Variants in DBF4B observed in about 807,000 individuals in gnomAD.
DBF4B encodes the protein protein DBF4 homolog B.
DBF4B carries 49 observed loss-of-function variants against 53.4 expected under a neutral mutation model. The observed-to-expected ratio is 0.92, with a 90% CI of 0.73 to 1.16. The LOEUF (loss-of-function observed/expected upper bound fraction) is 1.16, where lower values mean the gene tolerates loss of function less well. DBF4B is among the 50% of genes most tolerant of loss of function. DBF4B has a pLI of 0.00. For missense variants in DBF4B, 692 were observed against 775.0 expected (o/e 0.89, Z 1.27); for synonymous variants, 257 against 288.7 (o/e 0.89, Z 1.11).
intron 2 of DBF4B, among the ~76,000 whole-genome samples, chr17:44,711,623 G>A (rs1972873979): frequency 6.6e-6 from 1 of 152,020 alleles, no homozygotes; most frequent in African/African-American, 2.4e-5. Flanking sequence ...ACCAGCCTGG[G>A]CAACGTGGTG....
Position 44,749,926 on chromosome 17 carries a change from A to G in DBF4B, c.1190-669A>G, listed in dbSNP as rs2049236336. 9.7e-7 allele frequency: 1 copy of G among 1,026,862 alleles called. No individual in the cohort carries two copies. The highest frequency in any genetic ancestry group is 1.2e-6 in the Non-Finnish European group (1 of 854,354). 63.6% of individuals were successfully genotyped at this position (1,026,862 alleles called of 1,614,324 possible). On this transcript the variant is annotated intron_variant, in intron 13 of 13. Coordinates refer to ENST00000315005, the MANE Select transcript of DBF4B (RefSeq NM_145663.3). The surrounding 1 kb of genome is among the most constrained non-coding windows in gnomAD (Gnocchi z 4.4). ...CCCGCACACAGATCCTCAGGAACAT[A>G]TGAAGCAGAGGAGGGGCTTGGGCTG...
chr17:44,748,702 C>T (rs748252347), intron 13 of DBF4B: 31 of 1,413,058 alleles, frequency 2.2e-5, no homozygotes, highest in Admixed American at 1.9e-4. Context: ...TGGCCACAAG[C>T]GGAAGGTTCA....
At chr17:44,733,990 G>A (rs995779435) in intron 6 of DBF4B, 100 bp from the exon 7 acceptor site, 40 of 945,716 alleles carry the variant, frequency 4.2e-5, no homozygotes, top group Non-Finnish European at 4.1e-5. Flanking sequence ...GTGATTCAGT[G>A]GGCTGGCCCA....
At chr17:44,708,961 G>T (rs1972619114) in intron 1 of DBF4B, 122 bp downstream of exon 1, 6 of 1,389,646 alleles carry the variant, frequency 4.3e-6, no homozygotes, top group East Asian at 5.0e-5. Flanking sequence ...GCTGAGGAGG[G>T]TATAGGGGCC....
chr17:44,741,706 A>G (rs1019551430), intron 10 of DBF4B, among the ~76,000 whole-genome samples: 2 of 152,200 alleles, frequency 1.3e-5, no homozygotes, highest in East Asian at 1.9e-4. Context: ...CCTTCTCCTT[A>G]AGGGTCGAAG....
At position 44,741,413 on chromosome 17, in the gene DBF4B, T is replaced by C. The variant is rs1302786732; in HGVS notation, c.791T>C (p.Phe264Ser). 6.2e-7 allele frequency: 1 copy of C among 1,613,420 alleles called. No homozygotes were observed. The highest frequency in any genetic ancestry group is 1.7e-5 in the Admixed American group (1 of 59,932). The change falls in exon 10 of 14, where the codon TTT (phenylalanine) becomes TCT (serine). Residue 264 changes from phenylalanine to serine, a missense_variant. Transcript: ENST00000315005. The part of the protein sequence containing the change: ...SFLGPKDASP[F>S]EAPTTLGSMH... ...CTTGGACCCAAAGATGCAAGTCCCT[T>C]TGAGGCCCCGACGACCCTGGGCAGC...
At chr17:44,747,247 C>T (rs1363898635) in intron 11 of DBF4B, 56 bp downstream of exon 11, 6 of 1,601,818 alleles carry the variant, frequency 3.7e-6, no homozygotes, top group East Asian at 2.2e-5. Flanking sequence ...GGAGCCTGCT[C>T]ACTGGGGATG....
chr17:44,729,715 CACACACACA>C (rs1974663979), intron 3 of DBF4B, among the ~76,000 whole-genome samples, 181 bp from the exon 4 acceptor site: 1 of 151,170 alleles, frequency 6.6e-6, no homozygotes, highest in Non-Finnish European at 1.5e-5. Context: ...CACACACACA[CACACACACA>C]CACCCCATTA....
chr17:44,732,122 C>T, intron 5 of DBF4B, 56 bp from the exon 6 acceptor site: 4 of 1,575,214 alleles, frequency 2.5e-6, no homozygotes, highest in Non-Finnish European at 3.5e-6. Context: ...CTGTCCCCTT[C>T]ACTTTCAGGC....
intron 2 of DBF4B, among the ~76,000 whole-genome samples, chr17:44,720,917 A>C (rs1353656544): frequency 6.6e-6 from 1 of 150,554 alleles, no homozygotes; most frequent in African/African-American, 2.5e-5. Context: ...TGAATGCAGT[A>C]GTGTAATCTT....
chr17:44,730,981 G>A lies in DBF4B; in HGVS notation c.434G>A (p.Gly145Glu). ...CCCTGTCAGGTGCCTCTAAGCAGAG[G>A]GAAGGAGCTGCTGCAGAAGGCTATC... ...KPVDSVPLSR[G>E]KELLQKAIRN... The change falls in exon 5 of 14, where the codon GGG (glycine) becomes GAG (glutamate). Residue 145 changes from glycine to glutamate, a missense_variant. Around this residue, in one of 3 missense-constraint regions of DBF4B, gnomAD observed 597 missense variants for 665.8 expected, o/e 0.90. Coordinates refer to ENST00000315005, the MANE Select transcript of DBF4B (RefSeq NM_145663.3). The A allele has an allele frequency of 6.2e-7, 1 of 1,614,010 alleles. No homozygotes were observed. The highest frequency in any genetic ancestry group is 1.1e-5 in the South Asian group (1 of 91,076).
At chr17:44,732,154 C>T in intron 5 of DBF4B, 24 bp from the exon 6 acceptor site, 1 of 1,613,148 alleles carries the variant, frequency 6.2e-7, no homozygotes, top group South Asian at 1.1e-5. Context: ...TCTGCTCCTA[C>T]CTGACTCTGT....
intron 10 of DBF4B, 56 bp downstream of exon 10, chr17:44,741,508 C>G: frequency 8.3e-7 from 1 of 1,204,872 alleles, no homozygotes; most frequent in Non-Finnish European, 1.2e-6. Context: ...AAGTCCTCCC[C>G]ATCGGGGGCC....
At chr17:44,717,968 G>C (rs1598768972) in intron 2 of DBF4B, among the ~76,000 whole-genome samples, 1 of 151,648 alleles carries the variant, frequency 6.6e-6, no homozygotes, top group East Asian at 2.0e-4. Context: ...CAAGGCTGCA[G>C]TGAGCCATGA....
intron 2 of DBF4B, among the ~76,000 whole-genome samples, chr17:44,713,523 G>A (rs953319410): frequency 1.3e-5 from 2 of 151,800 alleles, no homozygotes; most frequent in Admixed American, 6.6e-5. Context: ...TGTCGTGCAC[G>A]CTTGTAATCC....
intron 3 of DBF4B, among the ~76,000 whole-genome samples, chr17:44,725,649 T>G (rs1483511135): frequency 6.6e-6 from 1 of 151,238 alleles, no homozygotes; most frequent in Non-Finnish European, 1.5e-5. Context: ...CCCATCTACC[T>G]TCTGCCTCCA....
At chr17:44,716,977 A>G (rs963885379) in intron 2 of DBF4B, among the ~76,000 whole-genome samples, 1 of 152,036 alleles carries the variant, frequency 6.6e-6, no homozygotes. Context: ...TCTTCTTGCC[A>G]GTTTCTTTAT....
chr17:44,724,678 C>T (rs1216798033), intron 3 of DBF4B, among the ~76,000 whole-genome samples: 2 of 151,326 alleles, frequency 1.3e-5, no homozygotes, highest in Non-Finnish European at 3.0e-5. Flanking sequence ...CATGCCCAGC[C>T]AAAAAAAAGG....
chr17:44,715,702 T>G (rs919822915), intron 2 of DBF4B, among the ~76,000 whole-genome samples: 1 of 151,776 alleles, frequency 6.6e-6, no homozygotes, highest in Non-Finnish European at 1.5e-5. Context: ...TTCCTCTCCC[T>G]GGTTGTTAAT....
Sources: allele counts gnomAD v4.1 joint callset (sites outside exome capture counted in the v4.1 genomes callset), GRCh38; gene constraint gnomAD v4.1.1; regional missense constraint gnomAD v4.1.1; non-coding constraint Gnocchi (gnomAD v3.1); transcripts MANE v1.5; gene names NCBI Gene and HGNC (gene_info 2026-07-23, HGNC 2026-07-21).